TANC2: variants seen among roughly 807,000 people sequenced by gnomAD.
TANC2 encodes the protein tetratricopeptide repeat, ankyrin repeat and coiled-coil containing 2, also known as protein TANC2.
TANC2 carries 26 observed loss-of-function variants against 210.5 expected under a neutral mutation model. The ratio of observed to expected loss-of-function variants is 0.12; its 90% CI spans 0.09 to 0.17. TANC2 has a LOEUF of 0.17. Ranked by LOEUF, TANC2 falls within the 10% of genes least tolerant of loss-of-function variation. TANC2 has a pLI of 1.00. For synonymous variants in TANC2, 931 were observed against 967.1 expected, an observed-to-expected ratio of 0.96 and a Z score of 0.69; for missense variants, 2,129 against 2,608.9, an observed-to-expected ratio of 0.82 and a Z score of 4.01.
intron 5 of TANC2, among the ~76,000 whole-genome samples, chr17:63,160,584 CTTG>C (rs1189903538): frequency 6.6e-6 from 1 of 151,728 alleles, no homozygotes; most frequent in South Asian, 2.1e-4. Flanking sequence ...GTTTTAATTT[CTTG>C]TTGTTATAAA....
In TANC2 at chr17:63,418,120, A is replaced by G. The variant is rs922178093; in HGVS notation, c.4168-187A>G. Among the ~76,000 whole-genome samples the G allele has an allele frequency of 6.6e-6, 1 of 152,256 alleles. No homozygotes were observed. Among genetic ancestry groups the G allele is most frequent in the Non-Finnish European group, 1.5e-5 (1 of 68,036 alleles). ...GTCCAGTGAGCAGTCGCAGCGCTAC[A>G]CAGGACAAAGGCAGAAGGAACTTTC... is the stretch of plus-strand genomic sequence containing the variant. On this transcript the variant is annotated intron_variant, in intron 26 of 27. Coordinates refer to ENST00000689528, the Ensembl canonical transcript of TANC2. The surrounding 1 kb of genome is among the most constrained non-coding windows in gnomAD (Gnocchi z 4.6).
At chr17:63,281,899 G>C (rs769664282) in intron 9 of TANC2, among the ~76,000 whole-genome samples, 5 of 152,052 alleles carry the variant, frequency 3.3e-5, no homozygotes, top group Non-Finnish European at 5.9e-5. Flanking sequence ...ATTTATAGGA[G>C]CTACCGAAAA....
chr17:62,992,654 G>A (rs1201929799), intron 1 of TANC2, among the ~76,000 whole-genome samples: 1 of 152,126 alleles, frequency 6.6e-6, no homozygotes, highest in African/African-American at 2.4e-5. Flanking sequence ...TTCTTAAATA[G>A]CAACATAGCA....
intron 2 of TANC2, among the ~76,000 whole-genome samples, chr17:63,019,601 T>C (rs4968640): frequency 0.95 from 144,209 of 152,254 alleles, 68,389 homozygotes; most frequent in South Asian, 0.99. Flanking sequence ...ATAAATTTAT[T>C]GAGTATAGGT....
intron 2 of TANC2, among the ~76,000 whole-genome samples, chr17:63,037,203 A>G (rs1050129659): frequency 2.0e-5 from 3 of 152,146 alleles, no homozygotes; most frequent in African/African-American, 4.8e-5. Flanking sequence ...CCAAACGACT[A>G]ACGGGCATGT....
chr17:63,105,981 A>G (rs1175704763), intron 4 of TANC2, among the ~76,000 whole-genome samples: 2 of 151,702 alleles, frequency 1.3e-5, no homozygotes, highest in Non-Finnish European at 2.9e-5. Context: ...GGAAATATAT[A>G]CTAAGACTTT....
chr17:62,975,794 G>A (rs1261902676), intron 1 of TANC2, among the ~76,000 whole-genome samples: 2 of 152,014 alleles, frequency 1.3e-5, no homozygotes, highest in East Asian at 3.9e-4. Flanking sequence ...GGGTTTTTAT[G>A]ATGATGAAAT....
chr17:63,367,622 G>T (rs1285794622), intron 14 of TANC2, among the ~76,000 whole-genome samples: 1 of 152,158 alleles, frequency 6.6e-6, no homozygotes, highest in African/African-American at 2.4e-5. Context: ...TAACATTAAA[G>T]TTCAGCCTGG....
intron 4 of TANC2, among the ~76,000 whole-genome samples, chr17:63,134,607 T>G (rs2039026788): frequency 6.6e-6 from 1 of 152,200 alleles, no homozygotes; most frequent in Non-Finnish European, 1.5e-5. Context: ...AAATACTAAT[T>G]ATTTTTTAGT....
chr17:63,403,245 GC>G (rs1226674048), intron 19 of TANC2, among the ~76,000 whole-genome samples: 8 of 152,200 alleles, frequency 5.3e-5, no homozygotes, highest in Admixed American at 3.9e-4. Flanking sequence ...TCTCTAGGAT[GC>G]TGTAACTTCT....
chr17:63,400,480 T>A (rs540114675), intron 19 of TANC2, among the ~76,000 whole-genome samples: 2 of 152,314 alleles, frequency 1.3e-5, no homozygotes, highest in East Asian at 3.9e-4. Flanking sequence ...GTTGTACATA[T>A]GTACCATATT....
intron 3 of TANC2, among the ~76,000 whole-genome samples, chr17:63,097,623 A>AT (rs780856536): frequency 1.8e-4 from 27 of 152,016 alleles, no homozygotes; most frequent in Non-Finnish European, 3.8e-4. Flanking sequence ...ATAAAATTTG[A>AT]TTTGGGCCAC....
chr17:63,297,023 CTT>C lies in TANC2; in HGVS notation c.1160-17364_1160-17363del, dbSNP rs539245977. 2.1e-3 allele frequency among the ~76,000 whole-genome samples: 326 copies of C among 152,180 alleles called. 1 individual carries two copies. The highest frequency in any genetic ancestry group is 3.4e-3 in the Middle Eastern group (1 of 294). On this transcript the variant is annotated intron_variant, in intron 9 of 27. Coordinates refer to ENST00000689528, the Ensembl canonical transcript of TANC2. ...AATCTACAAAAAGCAAACAAACAAA[CTT>C]GAGCTAATAACATGAATTCAGCAAA...
chr17:63,425,606 T>C (rs576076127), exon 28 of TANC2: 30 of 152,352 alleles, frequency 2.0e-4, no homozygotes, highest in African/African-American at 5.8e-4. Flanking sequence ...TGCGCTTGTT[T>C]TGTAGCAAAG....
chr17:63,027,220 A>T (rs1170322453), intron 2 of TANC2, among the ~76,000 whole-genome samples: 1 of 152,130 alleles, frequency 6.6e-6, no homozygotes, highest in African/African-American at 2.4e-5. Flanking sequence ...TTTGGATGCT[A>T]TTGCTGAAGA....
At chr17:63,357,707 A>G (rs1395695332) in intron 14 of TANC2, among the ~76,000 whole-genome samples, 1 of 152,230 alleles carries the variant, frequency 6.6e-6, no homozygotes, top group African/African-American at 2.4e-5. Flanking sequence ...TGAGATGGAA[A>G]TTCACTAAGA....
chr17:63,225,824 A>G (rs1325869116), intron 7 of TANC2, among the ~76,000 whole-genome samples: 1 of 152,220 alleles, frequency 6.6e-6, no homozygotes, highest in African/African-American at 2.4e-5. Context: ...TAATCCTCTG[A>G]CACAGGAGAT....
At chr17:63,106,811 T>A (rs1363415873) in intron 4 of TANC2, among the ~76,000 whole-genome samples, 1 of 151,760 alleles carries the variant, frequency 6.6e-6, no homozygotes, top group Non-Finnish European at 1.5e-5. Flanking sequence ...AGTAATTTTC[T>A]AGTTTTTTTT....
intron 1 of TANC2, among the ~76,000 whole-genome samples, chr17:62,983,367 TATTTTA>T (rs1394223613): frequency 6.6e-6 from 1 of 152,090 alleles, no homozygotes; most frequent in Non-Finnish European, 1.5e-5. Context: ...TTTTATTTTT[TATTTTA>T]ATTTAAAATT....
Sources: allele counts gnomAD v4.1 joint callset (sites outside exome capture counted in the v4.1 genomes callset), GRCh38; gene constraint gnomAD v4.1.1; non-coding constraint Gnocchi (gnomAD v3.1); transcripts MANE v1.5; gene names NCBI Gene and HGNC (gene_info 2026-07-23, HGNC 2026-07-21).